STK24: variants seen among roughly 807,000 people sequenced by gnomAD.
The protein encoded by STK24 is serine/threonine kinase 24, also known as serine/threonine-protein kinase 24.
STK24 carries 21 observed loss-of-function variants against 55.6 expected under a neutral mutation model. The ratio of observed to expected loss-of-function variants is 0.38; its 90% CI spans 0.27 to 0.54. STK24 has a LOEUF of 0.54. Among genes scored for constraint, STK24 ranks in the 20% least tolerant of loss-of-function variants. The pLI is 0.79. For synonymous variants in STK24, 200 were observed against 215.2 expected, an observed-to-expected ratio of 0.93 and a Z score of 0.62; for missense variants, 383 against 538.4, an observed-to-expected ratio of 0.71 and a Z score of 2.86.
rs189441739 is a variant in STK24, at chr13:98,547,202, G to A, written c.43-27729C>T. Among the ~76,000 whole-genome samples the A allele has an allele frequency of 6.2e-4, 94 of 151,182 alleles. No individual in the cohort carries two copies. The East Asian group carries it at 0.015, about 24-fold the overall frequency. Reference sequence around the variant, plus strand: ...GCTGGGATTACAGGCGTGAGCCACCGCGCCCAGCTATCTAATTGTTTTAAG... The same window carrying A: ...GCTGGGATTACAGGCGTGAGCCACCACGCCCAGCTATCTAATTGTTTTAAG... On this transcript the variant is annotated intron_variant, in intron 1 of 10. Transcript: ENST00000539966.
chr13:98,526,314 C>T (rs906676422), intron 1 of STK24, among the ~76,000 whole-genome samples: 2 of 152,182 alleles, frequency 1.3e-5, no homozygotes, highest in African/African-American at 2.4e-5. Context: ...GTGCACACAG[C>T]GTGTAGCCAG....
chr13:98,548,742 A>T (rs1209588362), intron 1 of STK24, among the ~76,000 whole-genome samples: 1 of 151,654 alleles, frequency 6.6e-6, no homozygotes, highest in African/African-American at 2.4e-5. Flanking sequence ...GGCACCTGTA[A>T]TCCCAGCTAC....
intron 2 of STK24, among the ~76,000 whole-genome samples, chr13:98,496,939 A>C (rs1386038914): frequency 3.9e-5 from 6 of 152,234 alleles, no homozygotes; most frequent in African/African-American, 1.4e-4. Flanking sequence ...TGCGCAAGCC[A>C]CATCATCTGC....
At chr13:98,467,984 A>C (rs1893985311) in intron 5 of STK24, among the ~76,000 whole-genome samples, 1 of 152,208 alleles carries the variant, frequency 6.6e-6, no homozygotes. Context: ...TGTGCACTGG[A>C]ATCCATCATT....
At chr13:98,480,723 A>T (rs1894549567) in intron 3 of STK24, among the ~76,000 whole-genome samples, 1 of 152,218 alleles carries the variant, frequency 6.6e-6, no homozygotes, top group Non-Finnish European at 1.5e-5. Flanking sequence ...AATTGCTATT[A>T]TTACTGTGAG....
At chr13:98,453,582 C>A in intron 10 of STK24, 1 of 174,926 alleles carries the variant, frequency 5.7e-6, no homozygotes, top group Non-Finnish European at 1.2e-5. Flanking sequence ...GATGTGAGGG[C>A]AGGAAACCCA....
At chr13:98,549,366 G>A (rs559048577) in intron 1 of STK24, among the ~76,000 whole-genome samples, 99 of 152,138 alleles carry the variant, frequency 6.5e-4, no homozygotes, top group Non-Finnish European at 1.3e-3. Context: ...ATAGCAGAAG[G>A]GACAAAGAAG....
intron 1 of STK24, among the ~76,000 whole-genome samples, chr13:98,546,168 G>A (rs1897024604): frequency 6.6e-6 from 1 of 152,196 alleles, no homozygotes; most frequent in African/African-American, 2.4e-5. Flanking sequence ...GGGTCCACCT[G>A]ATGCCTAGTG....
At chr13:98,540,765 A>C (rs1896864778) in intron 1 of STK24, among the ~76,000 whole-genome samples, 1 of 137,978 alleles carries the variant, frequency 7.2e-6, no homozygotes, top group Non-Finnish European at 1.7e-5. Context: ...ATTAAAAGCA[A>C]AAAAAAAAAA....
At chr13:98,461,209 T>C (rs1198702618) in intron 8 of STK24, among the ~76,000 whole-genome samples, 11 of 152,196 alleles carry the variant, frequency 7.2e-5, no homozygotes, top group Admixed American at 7.2e-4. Context: ...TGTTCACTTA[T>C]CAAAGCGGGA....
At chr13:98,453,979 A>T (rs1893327289) in intron 10 of STK24, 1 of 152,204 alleles carries the variant, frequency 6.6e-6, no homozygotes, top group Non-Finnish European at 1.5e-5. Context: ...GACATGCCCC[A>T]GAGAGCAGTT....
intron 1 of STK24, among the ~76,000 whole-genome samples, chr13:98,523,030 G>C (rs1368814240): frequency 6.6e-6 from 1 of 152,208 alleles, no homozygotes; most frequent in African/African-American, 2.4e-5. Context: ...TCCCCTGGAA[G>C]GCTTGTTAGG....
Position 98,503,024 on chromosome 13 carries a change from GT to G in STK24, c.273+16218del, listed in dbSNP as rs398038978. ...AATATATTAGAAATACTTTCCATGT[GT>G]TTTTTTTTTTTTTTTTCAGTATGGT... On this transcript the variant is annotated intron_variant, in intron 2 of 10. Coordinates refer to ENST00000539966, the MANE Select transcript of STK24 (RefSeq NM_001032296.4). Among the ~76,000 whole-genome samples, 63 of 107,048 alleles carry G rather than the reference GT, an allele frequency of 5.9e-4. 1 individual carries two copies. Among genetic ancestry groups the G allele is most frequent in the East Asian group, 4.4e-3 (18 of 4,112 alleles). 70.2% of individuals were successfully genotyped at this position (107,048 alleles called of 152,430 possible).
chr13:98,538,948 G>A (rs1205708177), intron 1 of STK24, among the ~76,000 whole-genome samples: 1 of 152,216 alleles, frequency 6.6e-6, no homozygotes, highest in Non-Finnish European at 1.5e-5. Context: ...ATTTCTGGAA[G>A]GCATTCGAAG....
chr13:98,514,952 C>T (rs1421125449), intron 2 of STK24, among the ~76,000 whole-genome samples: 1 of 152,006 alleles, frequency 6.6e-6, no homozygotes, highest in African/African-American at 2.4e-5. Flanking sequence ...GGAAGTATAT[C>T]TGCGTTTCCT....
intron 2 of STK24, among the ~76,000 whole-genome samples, chr13:98,490,001 A>T (rs1162399934): frequency 1.3e-5 from 2 of 152,216 alleles, no homozygotes; most frequent in Non-Finnish European, 2.9e-5. Flanking sequence ...AGTGGCACTG[A>T]TGAGCACCCA....
At chr13:98,474,286 G>A (rs1187680942) in intron 5 of STK24, among the ~76,000 whole-genome samples, 2 of 152,168 alleles carry the variant, frequency 1.3e-5, no homozygotes, top group East Asian at 3.8e-4. Context: ...GGCTGGGAAC[G>A]AGAATCCTCA....
intron 1 of STK24, among the ~76,000 whole-genome samples, chr13:98,535,235 G>C (rs1896682944): frequency 6.6e-6 from 1 of 151,188 alleles, no homozygotes; most frequent in African/African-American, 2.4e-5. Context: ...TACCTGGGAG[G>C]CTGAGGCAGG....
intron 1 of STK24, among the ~76,000 whole-genome samples, chr13:98,531,693 G>T (rs1346748744): frequency 6.6e-6 from 1 of 152,120 alleles, no homozygotes; most frequent in African/African-American, 2.4e-5. Context: ...TGAAGCCAAG[G>T]AACAAATTTG....
Sources: allele counts gnomAD v4.1 joint callset (sites outside exome capture counted in the v4.1 genomes callset), GRCh38; gene constraint gnomAD v4.1.1; transcripts MANE v1.5; gene names NCBI Gene and HGNC (gene_info 2026-07-23, HGNC 2026-07-21).